RPS6KC1: variants seen among roughly 807,000 people sequenced by gnomAD.
RPS6KC1 encodes the protein ribosomal protein S6 kinase C1.
RPS6KC1 carries 54 observed loss-of-function variants against 103.8 expected under a neutral mutation model. The ratio of observed to expected loss-of-function variants is 0.52; its 90% confidence interval spans 0.42 to 0.65. The LOEUF is 0.65. Among genes scored for constraint, RPS6KC1 ranks in the 30% least tolerant of loss-of-function variants. The pLI is 0.00. For synonymous variants in RPS6KC1, 439 were observed against 438.7 expected, an observed-to-expected ratio of 1.00 and a Z score of -0.01; for missense variants, 1,151 against 1,253.8, an observed-to-expected ratio of 0.92 and a Z score of 1.24.
chr1:213,185,309 A>G (rs2092471915), intron 8 of RPS6KC1, among the ~76,000 whole-genome samples: 2 of 152,124 alleles, frequency 1.3e-5, no homozygotes, highest in Non-Finnish European at 2.9e-5. Flanking sequence ...GACAGCATAT[A>G]GTTGGGTCTT....
chr1:213,067,162 A>G (rs2078406233), intron 1 of RPS6KC1, among the ~76,000 whole-genome samples: 5 of 152,176 alleles, frequency 3.3e-5, no homozygotes, highest in Admixed American at 3.3e-4. Context: ...CCTAAAATGT[A>G]TAAAATCAAG....
At chr1:213,080,545 C>T (rs1038537190) in intron 3 of RPS6KC1, among the ~76,000 whole-genome samples, 1 of 152,108 alleles carries the variant, frequency 6.6e-6, no homozygotes, top group Admixed American at 6.5e-5. Context: ...GAATAATTCT[C>T]AAAGCTAGAA....
At chr1:213,656,675 C>A in the RPS6KC1 span, among the ~76,000 whole-genome samples, 1 of 152,178 alleles carries the variant, frequency 6.6e-6, no homozygotes, top group African/African-American at 2.4e-5. Flanking sequence ...GGGTCCATTC[C>A]TCTGAAAGCA....
At chr1:213,678,929 G>A in the RPS6KC1 span, among the ~76,000 whole-genome samples, 4 of 152,120 alleles carry the variant, frequency 2.6e-5, no homozygotes, top group African/African-American at 9.7e-5. Context: ...CTCTAATGTG[G>A]GTAAAACACT....
chr1:213,640,893 A>G, the RPS6KC1 span, among the ~76,000 whole-genome samples: 1 of 149,590 alleles, frequency 6.7e-6, no homozygotes. Flanking sequence ...CAGTTAGTTG[A>G]TGGTGTCAAT....
chr1:213,089,078 T>C (rs1383034727), intron 3 of RPS6KC1, among the ~76,000 whole-genome samples: 1 of 152,246 alleles, frequency 6.6e-6, no homozygotes, highest in African/African-American at 2.4e-5. Context: ...TTGAGATATA[T>C]GTAATAGAGG....
At chr1:213,188,113 C>T (rs2092607074) in intron 8 of RPS6KC1, among the ~76,000 whole-genome samples, 1 of 152,104 alleles carries the variant, frequency 6.6e-6, no homozygotes, top group South Asian at 2.1e-4. Flanking sequence ...GCAGACTTTC[C>T]AGGGTTGGGG....
chr1:213,528,298 G>A, the RPS6KC1 span, among the ~76,000 whole-genome samples: 1 of 152,154 alleles, frequency 6.6e-6, no homozygotes, highest in East Asian at 1.9e-4. Context: ...GCCGAGCAAA[G>A]GGGAGAAAAG....
At chr1:213,845,029 C>T in the RPS6KC1 span, among the ~76,000 whole-genome samples, 1 of 151,110 alleles carries the variant, frequency 6.6e-6, no homozygotes, top group Non-Finnish European at 1.5e-5. Context: ...AGGGCTTCTG[C>T]CCCCGCACTT....
At chr1:213,346,792 A>G in the RPS6KC1 span, among the ~76,000 whole-genome samples, 5 of 152,308 alleles carry the variant, frequency 3.3e-5, no homozygotes, top group East Asian at 5.8e-4. Context: ...CTTCTTTCTT[A>G]TGAAAACAGC....
chr1:213,826,780 A>G, the RPS6KC1 span, among the ~76,000 whole-genome samples: 10 of 152,104 alleles, frequency 6.6e-5, no homozygotes, highest in Admixed American at 2.6e-4. Context: ...GAAGGGGGGG[A>G]AGTACTATTA....
At chr1:213,539,971 A>T in the RPS6KC1 span, among the ~76,000 whole-genome samples, 1 of 152,258 alleles carries the variant, frequency 6.6e-6, no homozygotes, top group Non-Finnish European at 1.5e-5. Flanking sequence ...ATTAAAAAAT[A>T]CTTTAGTGCT....
At chr1:213,246,955 A>G (rs2094464208) in intron 12 of RPS6KC1, among the ~76,000 whole-genome samples, 1 of 152,202 alleles carries the variant, frequency 6.6e-6, no homozygotes, top group Non-Finnish European at 1.5e-5. Flanking sequence ...AGTGCATAAA[A>G]TTATTTGTGT....
the RPS6KC1 span, among the ~76,000 whole-genome samples, chr1:213,745,842 C>G: frequency 6.6e-6 from 1 of 152,172 alleles, no homozygotes; most frequent in African/African-American, 2.4e-5. Flanking sequence ...GGTTAAATCT[C>G]TATTTACACC....
chr1:213,698,589 G>T, the RPS6KC1 span, among the ~76,000 whole-genome samples: 1 of 152,094 alleles, frequency 6.6e-6, no homozygotes, highest in Non-Finnish European at 1.5e-5. Context: ...AATGTTACTA[G>T]AATGACTCAG....
At chr1:213,617,757 G>C in the RPS6KC1 span, among the ~76,000 whole-genome samples, 1 of 152,138 alleles carries the variant, frequency 6.6e-6, no homozygotes, top group African/African-American at 2.4e-5. Context: ...GTTGATTAGT[G>C]CCGACCAGTT....
At chr1:213,605,785 G>T in the RPS6KC1 span, among the ~76,000 whole-genome samples, 1 of 152,194 alleles carries the variant, frequency 6.6e-6, no homozygotes, top group Non-Finnish European at 1.5e-5. Flanking sequence ...TGGGTTTGGT[G>T]AGAGCAAGGA....
At chr1:213,428,989 G>T in the RPS6KC1 span, 1 of 152,274 alleles carries the variant, frequency 6.6e-6, no homozygotes, top group Non-Finnish European at 1.5e-5. Context: ...CTGCCCTTGT[G>T]ACTGTTGATG....
the RPS6KC1 span, among the ~76,000 whole-genome samples, chr1:213,578,055 G>T: frequency 6.6e-6 from 1 of 152,212 alleles, no homozygotes; most frequent in African/African-American, 2.4e-5. Flanking sequence ...CTGGGCCCAG[G>T]GCTTTGCTGC....
Sources: gnomAD v4.1 joint callset for allele counts (sites outside exome capture counted in the v4.1 genomes callset) on GRCh38, gnomAD v4.1.1 for gene constraint, MANE v1.5 for transcripts, NCBI Gene and HGNC (gene_info 2026-07-23, HGNC 2026-07-21) for gene names.